ELP1: variants seen among roughly 807,000 people sequenced by gnomAD.
The protein encoded by ELP1 is elongator acetyltransferase complex subunit 1, also known as elongator complex protein 1.
In ELP1, 131 loss-of-function variants were observed where a neutral mutation model predicts 183.2. The observed-to-expected ratio is 0.72, with a 90% CI of 0.62 to 0.83. The LOEUF (loss-of-function observed/expected upper bound fraction) is 0.83, where lower values mean the gene tolerates loss of function less well. ELP1 is among the 40% of genes least tolerant of loss of function. The pLI, the probability that ELP1 is intolerant of heterozygous loss-of-function variation, is 0.00. For missense variants in ELP1, 1,550 were observed against 1,594.9 expected (o/e 0.97, Z 0.48); for synonymous variants, 555 against 569.0 (o/e 0.98, Z 0.35).
At chr9:108,878,822 G>A in intron 33 of ELP1, 72 bp from the exon 34 acceptor site, 1 of 1,565,998 alleles carries the variant, frequency 6.4e-7, no homozygotes, top group Non-Finnish European at 8.8e-7. Flanking sequence ...TACCTTGCCT[G>A]GCTACTTTCT....
chr9:108,873,123 GCAC>G (rs1308010032), intron 36 of ELP1, among the ~76,000 whole-genome samples: 2 of 152,168 alleles, frequency 1.3e-5, no homozygotes, highest in East Asian at 3.8e-4. Flanking sequence ...ATCATTTGAA[GCAC>G]TTATTTTGTC....
chr9:108,891,064 A>C (rs1828312053), intron 28 of ELP1, 139 bp downstream of exon 28: 1 of 828,588 alleles, frequency 1.2e-6, no homozygotes, highest in East Asian at 2.6e-5. Context: ...CCTTTAAAGC[A>C]TTCTAAATTA....
At chr9:108,901,395 C>T (rs1352600500) in intron 18 of ELP1, 30 bp downstream of exon 18, 8 of 1,440,302 alleles carry the variant, frequency 5.6e-6, no homozygotes, top group Admixed American at 1.7e-5. Flanking sequence ...GGAGAAGGGA[C>T]CATTTCTGTT....
In ELP1 at chr9:108,911,076, G is replaced by A. The variant is rs773228197; in HGVS notation, c.1294C>T (p.His432Tyr). ...HPVNQVTFLA[H>Y]PQKSNDLAVL... ...GCAAGGTCATTACTCTTTTGAGGGT[G>A]TGCTAAGAATGTGACTTGATTCACA... Residue 432 changes from histidine (H) to tyrosine (Y), a missense_variant, in exon 12 of 37, where the codon CAC becomes TAC. By Grantham distance (83) the His-to-Tyr change is moderately conservative (BLOSUM62 2). Coordinates refer to ENST00000374647, the MANE Select transcript of ELP1 (RefSeq NM_003640.5). The A allele has an allele frequency of 3.1e-6, 5 of 1,613,960 alleles. No homozygotes were observed. Among genetic ancestry groups the A allele is most frequent in the Middle Eastern group, 1.6e-4 (1 of 6,084 alleles).
rs748461473 is a variant in ELP1 at position 108,912,354 on chromosome 9, G to A, written c.1099C>T (p.His367Tyr). 7 of 1,614,186 alleles carry A rather than the reference G, an allele frequency of 4.3e-6. No individual in the cohort carries two copies. Among genetic ancestry groups the A allele is most frequent in the Admixed American group, 1.7e-5 (1 of 60,026 alleles). Residue 367 changes from histidine (H) to tyrosine (Y), a missense_variant, in exon 11 of 37, where the codon CAT becomes TAT. His to Tyr is a moderately conservative substitution (Grantham distance 83, BLOSUM62 2). Coordinates refer to ENST00000374647, the MANE Select transcript of ELP1 (RefSeq NM_003640.5). ...YRLHVLCQGWHYLAYDWHWTT... is the reference protein window; with the variant it reads ...YRLHVLCQGWYYLAYDWHWTT... ...CAGTGCCAATCATAGGCGAGGTAAT[G>A]CCAGCCCTGACAGAGAACATGCAGC... is the stretch of plus-strand genomic sequence containing the variant.
At chr9:108,875,002 T>C in intron 35 of ELP1, 32 bp from the exon 36 acceptor site, 2 of 1,457,238 alleles carry the variant, frequency 1.4e-6, no homozygotes. Context: ...TCAGCAAAGA[T>C]TATCTAATAC....
At chr9:108,920,280 A>ATTT (rs34765805) in intron 6 of ELP1, among the ~76,000 whole-genome samples, 15 of 132,348 alleles carry the variant, frequency 1.1e-4, no homozygotes, top group Non-Finnish European at 1.6e-4. Context: ...CTCTCACCCA[A>ATTT]TTTTTTTTTT....
chr9:108,900,807 CCACACACACATA>C (rs1564087569), intron 18 of ELP1, among the ~76,000 whole-genome samples: 5 of 128,062 alleles, frequency 3.9e-5, no homozygotes, highest in Admixed American at 2.6e-4. Context: ...CACATACACG[CCACACACACATA>C]CACGCCACAC....
chr9:108,908,186 G>A, intron 13 of ELP1, 119 bp downstream of exon 13: 5 of 765,894 alleles, frequency 6.5e-6, no homozygotes, highest in South Asian at 5.9e-5. Flanking sequence ...GGGCCTGGGT[G>A]TTGTCTTTAT....
At chr9:108,915,195 G>A (rs773150582) in intron 10 of ELP1, among the ~76,000 whole-genome samples, 4 of 152,172 alleles carry the variant, frequency 2.6e-5, no homozygotes, top group Admixed American at 1.3e-4. Context: ...TTTGGTTAGT[G>A]TTTTTTCTGT....
chr9:108,882,130 T>C lies in ELP1; in HGVS notation c.3280A>G (p.Arg1094Gly), dbSNP rs146440397. ...AGGATTTACAAGATTCTTACCAGCC[T>C]CAAAGCTTCTTCCCAGGCAGCTCCT... ...LEGAAWEEAL[R>G]LVYKYNRLDI... is the part of the protein sequence containing the mutation. The change falls in exon 30 of 37, where the codon AGG (arginine) becomes GGG (glycine). Residue 1094 changes from arginine (R) to glycine (G), a missense_variant. Coordinates refer to ENST00000374647, the MANE Select transcript of ELP1 (RefSeq NM_003640.5). 1.7e-3 allele frequency: 2,770 copies of C among 1,613,412 alleles called. 8 individuals carry two copies. The highest frequency in any genetic ancestry group is 2.3e-3 in the Non-Finnish European group (2,661 of 1,179,690).
At position 108,880,169 on chromosome 9, in the gene ELP1, G is replaced by A; in HGVS notation, c.3347-4C>T. The stretch of plus-strand genomic sequence containing the variant: ...AATGCCATATAATTTTTCTGGGCTG[G>A]AGATGCAGAATGGAAAATAGTTTGA... On this transcript the variant is annotated splice_region_variant and splice_polypyrimidine_tract_variant and intron_variant, in intron 31 of 36. Coordinates refer to ENST00000374647, the MANE Select transcript of ELP1 (RefSeq NM_003640.5). 1 of 1,583,056 alleles carries A rather than the reference G, an allele frequency of 6.3e-7. No individual in the cohort carries two copies.
chr9:108,900,312 C>T lies in ELP1; in HGVS notation c.2078G>A (p.Arg693Lys), dbSNP rs1828723486. The change falls in exon 19 of 37, where the codon AGG (arginine) becomes AAG (lysine). Residue 693 changes from arginine (R) to lysine (K), a missense_variant. By Grantham distance (26) the Arg-to-Lys change is conservative. Coordinates refer to ENST00000374647, the MANE Select transcript of ELP1 (RefSeq NM_003640.5). ...SHGEVLRKVE[R>K]GSRIVTVVPQ... ...CACAACAGTGACAATCCGTGAACCC[C>T]TCTCCACTTTCCGCAGAACTTCCCC... 3.7e-6 allele frequency: 6 copies of T among 1,614,032 alleles called. No individual in the cohort carries two copies. Among genetic ancestry groups the T allele is most frequent in the African/African-American group, 1.3e-5 (1 of 74,910 alleles).
intron 28 of ELP1, 26 bp from the exon 29 acceptor site, chr9:108,889,419 A>C: frequency 6.2e-7 from 1 of 1,607,224 alleles, no homozygotes; most frequent in Non-Finnish European, 8.5e-7. Flanking sequence ...GCAGCAGTTG[A>C]CTACAAAGTT....
intron 20 of ELP1, 125 bp downstream of exon 20, chr9:108,899,697 T>G (rs556125864): frequency 1.4e-6 from 1 of 727,930 alleles, no homozygotes; most frequent in South Asian, 1.7e-5. Flanking sequence ...TCTAAGAATC[T>G]GATTGATGAT....
chr9:108,919,427 T>C, intron 6 of ELP1, 78 bp from the exon 7 acceptor site: 3 of 933,724 alleles, frequency 3.2e-6, no homozygotes, highest in East Asian at 2.5e-5. Flanking sequence ...GACCACTAGA[T>C]ACAGATGTTT....
At chr9:108,873,321 C>G (rs535146815) in intron 36 of ELP1, among the ~76,000 whole-genome samples, 12 of 152,246 alleles carry the variant, frequency 7.9e-5, no homozygotes, top group African/African-American at 2.4e-4. Context: ...TGGGGATGTG[C>G]CAATATACTT....
chr9:108,898,093 T>TC (rs1828625115), intron 22 of ELP1, among the ~76,000 whole-genome samples: 1 of 152,048 alleles, frequency 6.6e-6, no homozygotes, highest in Admixed American at 6.5e-5. Context: ...TACAGAAAAA[T>TC]ATAAACTGGC....
chr9:108,898,066 G>C (rs1409953134), intron 22 of ELP1, among the ~76,000 whole-genome samples: 1 of 152,150 alleles, frequency 6.6e-6, no homozygotes, highest in Non-Finnish European at 1.5e-5. Context: ...ACAGATTATA[G>C]AGAATGAGAA....
Sources: gnomAD v4.1 joint callset for allele counts (sites outside exome capture counted in the v4.1 genomes callset) on GRCh38, gnomAD v4.1.1 for gene constraint, MANE v1.5 for transcripts, NCBI Gene and HGNC (gene_info 2026-07-23, HGNC 2026-07-21) for gene names.